The following LINGO2 variants were observed in gnomAD, a reference collection of about 807,000 sequenced individuals.
LINGO2 encodes leucine rich repeat and Ig domain containing 2, also known as leucine-rich repeat and immunoglobulin-like domain-containing nogo receptor-interacting protein 2.
A neutral mutation model predicts 30.6 loss-of-function variants in LINGO2; 14 were observed. The ratio of observed to expected loss-of-function variants is 0.46; its 90% CI spans 0.30 to 0.72. The LOEUF (loss-of-function observed/expected upper bound fraction) is 0.72. Ranked by LOEUF, LINGO2 falls within the 30% of genes least tolerant of loss-of-function variation. The pLI is 0.07. For synonymous variants in LINGO2, 317 were observed against 288.5 expected (o/e 1.10, Z -1.00); for missense variants, 729 against 751.7 (o/e 0.97, Z 0.35).
chr9:28,500,295 T>C (rs1819832379), intron 1 of LINGO2, among the ~76,000 whole-genome samples: 1 of 152,160 alleles, frequency 6.6e-6, no homozygotes, highest in Non-Finnish European at 1.5e-5. Context: ...ATCCTTCTCC[T>C]TCCTAATAAC....
the LINGO2 span, among the ~76,000 whole-genome samples, chr9:28,756,800 G>T: frequency 6.6e-6 from 1 of 151,682 alleles, no homozygotes; most frequent in Admixed American, 6.6e-5. Flanking sequence ...TTCCCCTTCT[G>T]CCATGACTGT....
chr9:28,658,205 A>C (rs1190557585), intron 1 of LINGO2, among the ~76,000 whole-genome samples: 1 of 152,102 alleles, frequency 6.6e-6, no homozygotes, highest in Non-Finnish European at 1.5e-5. Flanking sequence ...GCACTTGAGA[A>C]AAATGTGTAT....
intron 4 of LINGO2, among the ~76,000 whole-genome samples, chr9:28,205,701 A>G (rs949249791): frequency 2.6e-5 from 4 of 152,214 alleles, no homozygotes; most frequent in African/African-American, 9.6e-5. Context: ...GGTGACAGAA[A>G]TATTCTAGTC....
chr9:28,944,296 G>A, the LINGO2 span, among the ~76,000 whole-genome samples: 31 of 152,228 alleles, frequency 2.0e-4, 1 homozygote, highest in East Asian at 6.0e-3. Flanking sequence ...CATCACATTG[G>A]CCAGAACTTA....
intron 4 of LINGO2, among the ~76,000 whole-genome samples, chr9:28,248,010 G>C (rs1306802227): frequency 2.6e-5 from 4 of 152,178 alleles, no homozygotes; most frequent in African/African-American, 4.8e-5. Flanking sequence ...CTGTTGGTTG[G>C]AATGTAAATT....
intron 4 of LINGO2, among the ~76,000 whole-genome samples, chr9:28,087,618 G>A (rs554235623): frequency 1.3e-5 from 2 of 152,068 alleles, no homozygotes; most frequent in South Asian, 4.1e-4. Context: ...ATCCCTATGT[G>A]TGGTGTTCAG....
chr9:28,763,316 G>A, the LINGO2 span, among the ~76,000 whole-genome samples: 87 of 152,040 alleles, frequency 5.7e-4, no homozygotes, highest in East Asian at 0.016. Context: ...AATTTAAGAA[G>A]ACTGAAATCA....
intron 1 of LINGO2, among the ~76,000 whole-genome samples, chr9:28,641,930 T>C (rs1347783753): frequency 1.3e-5 from 2 of 152,092 alleles, no homozygotes; most frequent in Non-Finnish European, 2.9e-5. Flanking sequence ...AGAATGTTCT[T>C]CTTGTCTCCA....
At chr9:28,520,511 A>G (rs1820788762) in intron 1 of LINGO2, among the ~76,000 whole-genome samples, 1 of 152,152 alleles carries the variant, frequency 6.6e-6, no homozygotes, top group South Asian at 2.1e-4. Context: ...TTTTTAAGGC[A>G]GTAATCATTA....
chr9:28,006,687 T>C (rs1302098783), intron 5 of LINGO2, among the ~76,000 whole-genome samples: 3 of 152,136 alleles, frequency 2.0e-5, no homozygotes, highest in East Asian at 1.9e-4. Context: ...CTCTCAAGGA[T>C]AGATGAAAAC....
the LINGO2 span, among the ~76,000 whole-genome samples, chr9:28,999,651 C>A: frequency 6.6e-6 from 1 of 151,842 alleles, no homozygotes; most frequent in Non-Finnish European, 1.5e-5. Flanking sequence ...TTAAATCCTG[C>A]AAAATCTATT....
chr9:28,401,581 T>C (rs1372981374), intron 2 of LINGO2, among the ~76,000 whole-genome samples: 1 of 152,198 alleles, frequency 6.6e-6, no homozygotes, highest in Non-Finnish European at 1.5e-5. Context: ...TTGTAAATAG[T>C]GCTACAGTAA....
intron 2 of LINGO2, among the ~76,000 whole-genome samples, chr9:28,397,184 A>G (rs1564173998): frequency 6.6e-6 from 1 of 152,068 alleles, no homozygotes; most frequent in African/African-American, 2.4e-5. Context: ...GATAATATGT[A>G]TAACTCCTAC....
At chr9:28,781,512 C>G in the LINGO2 span, among the ~76,000 whole-genome samples, 1 of 152,142 alleles carries the variant, frequency 6.6e-6, no homozygotes, top group Non-Finnish European at 1.5e-5. Flanking sequence ...ACAATTGGCA[C>G]TATTTCCTGC....
chr9:28,695,403 A>G, the LINGO2 span, among the ~76,000 whole-genome samples: 2 of 151,928 alleles, frequency 1.3e-5, no homozygotes, highest in Non-Finnish European at 2.9e-5. Flanking sequence ...ATAAATATAT[A>G]TTTATACAGT....
intron 4 of LINGO2, among the ~76,000 whole-genome samples, chr9:28,201,002 T>A (rs1037912097): frequency 8.5e-5 from 13 of 152,102 alleles, no homozygotes; most frequent in Non-Finnish European, 1.6e-4. Flanking sequence ...TCAGCTTTTT[T>A]TTTTTTTCTT....
At chr9:29,018,543 C>A in the LINGO2 span, among the ~76,000 whole-genome samples, 2 of 152,010 alleles carry the variant, frequency 1.3e-5, no homozygotes, top group African/African-American at 4.8e-5. Context: ...CTCATTTAAT[C>A]CTCACAATAA....
At chr9:28,437,171 G>C (rs1015025969) in intron 2 of LINGO2, among the ~76,000 whole-genome samples, 3 of 152,200 alleles carry the variant, frequency 2.0e-5, no homozygotes, top group African/African-American at 7.2e-5. Flanking sequence ...TAGTGGTCAC[G>C]ATCCTGGGCT....
chr9:27,954,952 G>T (rs1305567977), intron 5 of LINGO2, among the ~76,000 whole-genome samples: 5 of 152,124 alleles, frequency 3.3e-5, no homozygotes, highest in Non-Finnish European at 5.9e-5. Flanking sequence ...TCTAACTGGG[G>T]TAAGATGATC....
Sources: gnomAD v4.1 joint callset for allele counts (sites outside exome capture counted in the v4.1 genomes callset) on GRCh38, gnomAD v4.1.1 for gene constraint, MANE v1.5 for transcripts, NCBI Gene and HGNC (gene_info 2026-07-23, HGNC 2026-07-21) for gene names.